GASK1A: variants seen among roughly 807,000 people sequenced by gnomAD.
GASK1A encodes Golgi-associated kinase 1A.
GASK1A carries 40 observed loss-of-function variants against 41.2 expected under a neutral mutation model. The ratio of observed to expected loss-of-function variants is 0.97; its 90% CI spans 0.75 to 1.27. The LOEUF (loss-of-function observed/expected upper bound fraction) is 1.27. GASK1A is among the 50% of genes most tolerant of loss of function. The pLI, the probability that GASK1A is intolerant of heterozygous loss-of-function variation, is 0.00. For synonymous variants in GASK1A, 316 were observed against 307.1 expected (o/e 1.03, Z -0.30); for missense variants, 678 against 745.1 (o/e 0.91, Z 1.05).
intron 1 of GASK1A, among the ~76,000 whole-genome samples, chr3:43,011,687 T>C (rs564117120): frequency 1.3e-5 from 2 of 151,540 alleles, no homozygotes; most frequent in South Asian, 4.2e-4. Flanking sequence ...TTATGTGAAG[T>C]CACAGGAAGG....
At chr3:43,056,128 AC>A (rs1559409165) in intron 4 of GASK1A, 47 bp from the exon 5 acceptor site, 3 of 1,403,508 alleles carry the variant, frequency 2.1e-6, no homozygotes, top group Non-Finnish European at 2.9e-6. Flanking sequence ...CTCTGAGATT[AC>A]TGTTGCTTTT....
At chr3:43,007,208 T>A (rs2089440863) in intron 1 of GASK1A, among the ~76,000 whole-genome samples, 1 of 152,244 alleles carries the variant, frequency 6.6e-6, no homozygotes, top group Non-Finnish European at 1.5e-5. Flanking sequence ...ATATCTGAAT[T>A]CCATACCACT....
Position 43,032,974 on chromosome 3 carries a change from A to C in GASK1A, c.711A>C (p.Gln237His). The stretch of plus-strand genomic sequence containing the variant: ...GGCCTGGCTCTGTTGAGAAGCTGCA[A>C]GGGTCAGTATGGTGTGATGCTGAGA... ...HQWPGSVEKLQGSVWCDAETL... is the reference protein window; with the variant it reads ...HQWPGSVEKLHGSVWCDAETL... The change falls in exon 2 of 5, where the codon CAA (glutamine) becomes CAC (histidine). Residue 237 changes from glutamine (Q) to histidine (H), a missense_variant. Physicochemically the swap from Gln to His is conservative, Grantham distance 24. Coordinates refer to ENST00000430121, the MANE Select transcript of GASK1A (RefSeq NM_001129908.3). 4 of 1,551,380 alleles carry C rather than the reference A, an allele frequency of 2.6e-6. No homozygotes were observed. The highest frequency in any genetic ancestry group is 3.5e-6 in the Non-Finnish European group (4 of 1,146,852).
intron 2 of GASK1A, among the ~76,000 whole-genome samples, chr3:43,035,378 G>A (rs1479091883): frequency 2.0e-5 from 3 of 152,188 alleles, no homozygotes; most frequent in African/African-American, 7.2e-5. Flanking sequence ...AGGACTTTCA[G>A]TGCTGAAGCT....
chr3:43,039,213 T>TG (rs1157095170), intron 2 of GASK1A, among the ~76,000 whole-genome samples: 2 of 149,492 alleles, frequency 1.3e-5, no homozygotes, highest in Non-Finnish European at 3.0e-5. Context: ...TGGTTTTTTT[T>TG]TTTTTTTGAG....
At chr3:43,056,056 CTT>C in intron 4 of GASK1A, 118 bp from the exon 5 acceptor site, 1 of 787,442 alleles carries the variant, frequency 1.3e-6, no homozygotes, top group Non-Finnish European at 2.0e-6. Context: ...TGCCAGGTGA[CTT>C]TACCAGAGTT....
At chr3:43,000,962 A>T (rs1273264040) in intron 1 of GASK1A, among the ~76,000 whole-genome samples, 2 of 152,118 alleles carry the variant, frequency 1.3e-5, no homozygotes, top group Admixed American at 1.3e-4. Context: ...TTCTTTTGAG[A>T]CCCTATGGCA....
At chr3:43,024,297 G>C (rs543696287) in intron 1 of GASK1A, among the ~76,000 whole-genome samples, 1 of 152,242 alleles carries the variant, frequency 6.6e-6, no homozygotes, top group East Asian at 1.9e-4. Context: ...ATTTCAGTTA[G>C]CTTAACTTTC....
At chr3:42,986,258 A>T (rs574522558) in intron 1 of GASK1A, among the ~76,000 whole-genome samples, 1 of 152,316 alleles carries the variant, frequency 6.6e-6, no homozygotes, top group East Asian at 1.9e-4. Flanking sequence ...TTTAAATGAC[A>T]TTCTAGAAAA....
chr3:42,980,722 AGGCTAGGG>A (rs2089278565), intron 1 of GASK1A, among the ~76,000 whole-genome samples: 1 of 152,012 alleles, frequency 6.6e-6, no homozygotes, highest in African/African-American at 2.4e-5. Flanking sequence ...GGTACCTTTG[AGGCTAGGG>A]GTGTGTGTAT....
At chr3:43,021,860 G>A (rs1273162851) in intron 1 of GASK1A, among the ~76,000 whole-genome samples, 4 of 152,200 alleles carry the variant, frequency 2.6e-5, no homozygotes, top group African/African-American at 9.6e-5. Flanking sequence ...GGATGGGACT[G>A]TTAAGCCCAT....
chr3:43,026,399 C>T (rs934120567), intron 1 of GASK1A, among the ~76,000 whole-genome samples: 4 of 152,124 alleles, frequency 2.6e-5, no homozygotes, highest in Admixed American at 6.5e-5. Context: ...TGCAGAGATA[C>T]TGTGAGAAAA....
At chr3:43,018,511 C>G (rs1277455432) in intron 1 of GASK1A, among the ~76,000 whole-genome samples, 1 of 152,086 alleles carries the variant, frequency 6.6e-6, no homozygotes, top group Non-Finnish European at 1.5e-5. Context: ...AAGCCTTAGA[C>G]TAATTTAAGG....
intron 1 of GASK1A, among the ~76,000 whole-genome samples, chr3:43,015,734 G>T (rs1290085313): frequency 1.3e-5 from 2 of 151,054 alleles, no homozygotes. Context: ...CACAGCAAGG[G>T]GCCATGTGTA....
chr3:42,989,453 A>T (rs2089329518), intron 1 of GASK1A, among the ~76,000 whole-genome samples: 1 of 152,144 alleles, frequency 6.6e-6, no homozygotes, highest in South Asian at 2.1e-4. Flanking sequence ...TCTTTTGAAT[A>T]TTGTCACTGC....
intron 1 of GASK1A, among the ~76,000 whole-genome samples, chr3:42,991,343 AC>A (rs1395558365): frequency 6.6e-6 from 1 of 151,840 alleles, no homozygotes; most frequent in Non-Finnish European, 1.5e-5. Flanking sequence ...TGCTATTCAT[AC>A]CCTCTACAGA....
intron 1 of GASK1A, among the ~76,000 whole-genome samples, chr3:42,985,371 A>C (rs1470533692): frequency 1.3e-5 from 2 of 152,088 alleles, no homozygotes; most frequent in African/African-American, 4.8e-5. Flanking sequence ...TCAATGTGTA[A>C]ATGTGTGTTA....
chr3:43,016,175 A>G (rs563084817), intron 1 of GASK1A, among the ~76,000 whole-genome samples: 1 of 142,882 alleles, frequency 7.0e-6, no homozygotes, highest in Non-Finnish European at 1.5e-5. Flanking sequence ...TTACAGGAAG[A>G]GGCAGTGTGA....
intron 1 of GASK1A, among the ~76,000 whole-genome samples, chr3:43,016,124 G>A (rs549850365): frequency 2.1e-5 from 3 of 145,600 alleles, no homozygotes; most frequent in African/African-American, 7.6e-5. Context: ...GTGAAGCCCC[G>A]GGAAGGGGCA....
Sources: gnomAD v4.1 joint callset for allele counts (sites outside exome capture counted in the v4.1 genomes callset) on GRCh38, gnomAD v4.1.1 for gene constraint, MANE v1.5 for transcripts, NCBI Gene and HGNC (gene_info 2026-07-23, HGNC 2026-07-21) for gene names.